Variants in REEP1 observed in about 807,000 individuals in gnomAD.
REEP1 encodes the protein receptor expression-enhancing protein 1.
REEP1 carries 22 observed loss-of-function variants against 40.3 expected under a neutral mutation model. The ratio of observed to expected loss-of-function variants is 0.55; its 90% CI spans 0.39 to 0.78. The LOEUF is 0.78. Ranked by LOEUF, REEP1 falls within the 30% of genes least tolerant of loss-of-function variation. The pLI, the probability that REEP1 is intolerant of heterozygous loss-of-function variation, is 0.00. For missense variants in REEP1, 280 were observed against 361.1 expected (o/e 0.78, Z 1.82); for synonymous variants, 116 against 139.2 (o/e 0.83, Z 1.17).
At chr2:86,293,406 T>C (rs967329008) in intron 1 of REEP1, among the ~76,000 whole-genome samples, 3 of 152,086 alleles carry the variant, frequency 2.0e-5, no homozygotes, top group African/African-American at 7.2e-5. Flanking sequence ...AGAAAACAGA[T>C]GAGCTGCCAG....
At chr2:86,323,099 G>A (rs1246279970) in intron 1 of REEP1, among the ~76,000 whole-genome samples, 1 of 152,138 alleles carries the variant, frequency 6.6e-6, no homozygotes, top group Non-Finnish European at 1.5e-5. Context: ...TTGGGAGGCT[G>A]AGCCAGGGCA....
intron 2 of REEP1, among the ~76,000 whole-genome samples, chr2:86,266,588 C>T (rs977466874): frequency 2.0e-5 from 3 of 150,500 alleles, no homozygotes; most frequent in Non-Finnish European, 4.4e-5. Flanking sequence ...CACTGCAGTC[C>T]GCAGTCCGGC....
intron 1 of REEP1, among the ~76,000 whole-genome samples, chr2:86,300,135 C>T (rs549912304): frequency 4.6e-5 from 7 of 152,320 alleles, no homozygotes; most frequent in East Asian, 3.9e-4. Flanking sequence ...TATCATCCCA[C>T]GCAGGCTGGT....
chr2:86,273,815 C>T (rs187388508), intron 2 of REEP1, among the ~76,000 whole-genome samples: 1 of 152,322 alleles, frequency 6.6e-6, no homozygotes, highest in Non-Finnish European at 1.5e-5. Context: ...CCTGTCATAA[C>T]ATTTATCACA....
At position 86,254,824 on chromosome 2, in the gene REEP1, G is replaced by C; in HGVS notation, c.183-10C>G. The C allele has an allele frequency of 2.5e-6, 4 of 1,613,774 alleles. No homozygotes were observed. In the South Asian group the frequency reaches 4.4e-5, roughly 18 times the overall value. On this transcript the variant is annotated splice_polypyrimidine_tract_variant and intron_variant, in intron 3 of 8. Transcript: ENST00000538924. ...ATAATAGAATGGAAACCTGGAGAGA[G>C]AGATGAAAACACAAGTTCTGTTAGG... is the stretch of plus-strand genomic sequence containing the variant.
At chr2:86,247,019 T>C (rs1676005136) in intron 5 of REEP1, among the ~76,000 whole-genome samples, 1 of 152,154 alleles carries the variant, frequency 6.6e-6, no homozygotes, top group Non-Finnish European at 1.5e-5. Flanking sequence ...ATTTTTCATG[T>C]GAGAATATGT....
intron 3 of REEP1, among the ~76,000 whole-genome samples, chr2:86,259,793 T>C (rs1462961549): frequency 6.6e-6 from 1 of 152,212 alleles, no homozygotes; most frequent in Non-Finnish European, 1.5e-5. Context: ...ATTGTTGTTT[T>C]CATCAAGATG....
At position 86,290,886 on chromosome 2, in the gene REEP1, C is replaced by T. The variant is rs148291813; in HGVS notation, c.33-8644G>A. Reference sequence around the variant, plus strand: ...CCCAACCCCTGGGCTTCTGCTTACTCACAGTGACTTTCTAACAGGCTGGAG... The same window carrying T: ...CCCAACCCCTGGGCTTCTGCTTACTTACAGTGACTTTCTAACAGGCTGGAG... On this transcript the variant is annotated intron_variant, in intron 1 of 8. Transcript: ENST00000538924. 1.1e-4 allele frequency among the ~76,000 whole-genome samples: 16 copies of T among 152,312 alleles called. No individual in the cohort carries two copies. The East Asian group carries it at 2.3e-3, about 22-fold the overall frequency.
At chr2:86,249,618 T>TA (rs538731885) in intron 5 of REEP1, among the ~76,000 whole-genome samples, 3,000 of 149,168 alleles carry the variant, frequency 0.02, 93 homozygotes, top group African/African-American at 0.069. Context: ...GAGAATCTAT[T>TA]AAAAAAAAAA....
intron 3 of REEP1, chr2:86,255,065 T>C: frequency 2.3e-6 from 1 of 433,610 alleles, no homozygotes; most frequent in East Asian, 4.5e-5. Context: ...GAACACAGGT[T>C]CTCTCCAGCA....
intron 5 of REEP1, among the ~76,000 whole-genome samples, chr2:86,234,268 A>G (rs942774946): frequency 6.6e-6 from 1 of 152,162 alleles, no homozygotes; most frequent in Non-Finnish European, 1.5e-5. Context: ...CTGTAATCCC[A>G]GTACTTTGGG....
chr2:86,317,945 C>CT (rs1680096942), intron 1 of REEP1, among the ~76,000 whole-genome samples: 1 of 152,156 alleles, frequency 6.6e-6, no homozygotes, highest in African/African-American at 2.4e-5. Context: ...TCTTGTAATC[C>CT]TTTTCTAGAA....
At chr2:86,259,885 T>C (rs1676765304) in intron 3 of REEP1, among the ~76,000 whole-genome samples, 1 of 151,256 alleles carries the variant, frequency 6.6e-6, no homozygotes, top group Non-Finnish European at 1.5e-5. Context: ...GAGCGAAGAG[T>C]GAGGAAAAGA....
chr2:86,224,035 A>G (rs1331034123), intron 7 of REEP1, among the ~76,000 whole-genome samples: 1 of 152,214 alleles, frequency 6.6e-6, no homozygotes, highest in Non-Finnish European at 1.5e-5. Flanking sequence ...ATGTTCTGGC[A>G]TCTGAGATGT....
At position 86,215,023 on chromosome 2, in the gene REEP1, C is replaced by CTTTTTTTTTTTTTTTT. The variant is rs11350708; in HGVS notation, c.*2000_*2015dup. 4.7e-4 allele frequency: 28 copies of CTTTTTTTTTTTTTTTT among 59,576 alleles called. No individual in the cohort carries two copies. The highest frequency in any genetic ancestry group is 6.9e-4 in the Non-Finnish European group (24 of 34,806). 3.7% of individuals were successfully genotyped at this position (59,576 alleles called of 1,614,324 possible). A position where few individuals can be genotyped will look rare whatever the true frequency, so the allele number is the denominator to read the frequency against. ...AAAAATTGCTAAGAAGCTGTGTAAGCTTTTTTTTTTTTTTTTTTTTTTTGC... is the reference window on the plus strand; with the variant it reads ...AAAAATTGCTAAGAAGCTGTGTAAGCTTTTTTTTTTTTTTTTTTTTTTTTTTTTTTTTTTTTTTTGC... On this transcript the variant is annotated 3_prime_UTR_variant, in exon 9 of 9. Coordinates refer to ENST00000538924, the MANE Select transcript of REEP1 (RefSeq NM_001371279.1).
chr2:86,335,611 G>A (rs1309647246), intron 1 of REEP1, among the ~76,000 whole-genome samples: 2 of 152,172 alleles, frequency 1.3e-5, no homozygotes, highest in African/African-American at 2.4e-5. Flanking sequence ...AGAACTTTGG[G>A]AGGCCGAAGC....
rs899851997 is a variant in REEP1 at position 86,290,987 on chromosome 2, A to G, written c.33-8745T>C. ...TAAAGACTGTATTATTGTGACTTAT[A>G]AGCCATTTATTTTTGAGTGCTCACT... On this transcript the variant is annotated intron_variant, in intron 1 of 8. Coordinates refer to ENST00000538924, the MANE Select transcript of REEP1 (RefSeq NM_001371279.1). Among the ~76,000 whole-genome samples the G allele has an allele frequency of 2.0e-5, 3 of 152,304 alleles. No individual in the cohort carries two copies. The East Asian group carries it at 5.8e-4, about 29-fold the overall frequency.
At chr2:86,258,745 A>G (rs1676700370) in intron 3 of REEP1, among the ~76,000 whole-genome samples, 1 of 152,168 alleles carries the variant, frequency 6.6e-6, no homozygotes, top group Non-Finnish European at 1.5e-5. Flanking sequence ...TGTAATGAGA[A>G]CTCCTTGAAG....
rs771789218 is a variant in REEP1 at position 86,219,976 on chromosome 2, G to T, written c.777C>A (p.Pro259=). 136 of 1,231,912 alleles carry T rather than the reference G, an allele frequency of 1.1e-4. No individual in the cohort carries two copies. The highest frequency in any genetic ancestry group is 1.4e-4 in the Non-Finnish European group (135 of 987,978). 76.3% of individuals were successfully genotyped at this position (1,231,912 alleles called of 1,614,324 possible). Reference sequence around the variant, plus strand: ...AGCCCCAGACACTGTGTACCTCCAGGGGCAATTCCATCCTTCGAGGTGCTT... The same window carrying T: ...AGCCCCAGACACTGTGTACCTCCAGTGGCAATTCCATCCTTCGAGGTGCTT... ...KYKAPRRMEL[P]LEAPPRILRS... Residue 259 remains proline, a synonymous_variant, in exon 8 of 9, where the codon CCC becomes CCA. Coordinates refer to ENST00000538924, the MANE Select transcript of REEP1 (RefSeq NM_001371279.1).
Sources: gnomAD v4.1 joint callset for allele counts (sites outside exome capture counted in the v4.1 genomes callset) on GRCh38, gnomAD v4.1.1 for gene constraint, MANE v1.5 for transcripts, NCBI Gene and HGNC (gene_info 2026-07-23, HGNC 2026-07-21) for gene names.